The following AKR1E2 variants were observed in gnomAD, a reference collection of about 807,000 sequenced individuals.
AKR1E2 encodes the protein 1,5-anhydro-D-fructose reductase.
Under a neutral mutation model 41.9 loss-of-function variants are expected in AKR1E2, and 43 were observed. The observed-to-expected ratio is 1.03, with a 90% confidence interval of 0.80 to 1.32. The LOEUF (loss-of-function observed/expected upper bound fraction) is 1.32. AKR1E2 is among the 40% of genes most tolerant of loss of function. The pLI is 0.00. For synonymous variants in AKR1E2, 121 were observed against 138.9 expected, an observed-to-expected ratio of 0.87 and a Z score of 0.91; for missense variants, 423 against 396.5, an observed-to-expected ratio of 1.07 and a Z score of -0.57.
At chr10:4,853,653 G>A in the AKR1E2 span, among the ~76,000 whole-genome samples, 1 of 152,114 alleles carries the variant, frequency 6.6e-6, no homozygotes, top group Non-Finnish European at 1.5e-5. Context: ...CTGGAAACAT[G>A]GAACAACTGA....
At chr10:4,873,100 A>G in the AKR1E2 span, among the ~76,000 whole-genome samples, 1 of 152,078 alleles carries the variant, frequency 6.6e-6, no homozygotes, top group Non-Finnish European at 1.5e-5. Context: ...CGTCGGAGGA[A>G]CCCAGTGGGA....
At chr10:4,854,632 C>A in the AKR1E2 span, among the ~76,000 whole-genome samples, 1 of 152,110 alleles carries the variant, frequency 6.6e-6, no homozygotes, top group Non-Finnish European at 1.5e-5. Flanking sequence ...CACAAAAGGG[C>A]TGATACTGAG....
the AKR1E2 span, among the ~76,000 whole-genome samples, chr10:4,857,536 A>G: frequency 6.6e-6 from 1 of 152,132 alleles, no homozygotes; most frequent in Non-Finnish European, 1.5e-5. Flanking sequence ...CATGCTTTCT[A>G]TACAGCCTGT....
In AKR1E2 at chr10:4,826,308, G is replaced by T; in HGVS notation, c.-17G>T. 1 of 1,232,938 alleles carries T rather than the reference G, an allele frequency of 8.1e-7. No individual in the cohort carries two copies. The allele number at this position is 1,232,938 out of a possible 1,614,324, so 76.4% of individuals were successfully genotyped here. On this transcript the variant is annotated 5_prime_UTR_variant, in exon 1 of 10. Coordinates refer to ENST00000298375, the MANE Select transcript of AKR1E2 (RefSeq NM_001040177.3). ...CGCGTGCGGGGCGGCGGGGCGGCGG[G>T]GCGGCCGGCGGCGGCCATGGGAGAT...
intron 3 of AKR1E2, 97 bp from the exon 4 acceptor site, chr10:4,835,578 T>A (rs1485254412): frequency 1.4e-6 from 2 of 1,456,596 alleles, no homozygotes; most frequent in Non-Finnish European, 1.8e-6. Flanking sequence ...GGTTGCTTAG[T>A]GACAGGGCTG....
chr10:4,856,990 A>G, the AKR1E2 span, among the ~76,000 whole-genome samples: 3 of 152,132 alleles, frequency 2.0e-5, no homozygotes, highest in South Asian at 6.2e-4. Flanking sequence ...TTATTAAACA[A>G]TAACTCCCCA....
At chr10:4,832,056 T>C (rs1833012664) in intron 2 of AKR1E2, among the ~76,000 whole-genome samples, 1 of 152,082 alleles carries the variant, frequency 6.6e-6, no homozygotes, top group African/African-American at 2.4e-5. Context: ...CTGTGGAAGA[T>C]GCAGAGTGGA....
intron 5 of AKR1E2, among the ~76,000 whole-genome samples, chr10:4,839,135 G>A (rs943573031): frequency 1.2e-4 from 18 of 152,226 alleles, no homozygotes; most frequent in Admixed American, 6.5e-5. Flanking sequence ...CAGAGATCCT[G>A]CTCTCTAGCT....
rs1397106465 is a variant in AKR1E2 at position 4,847,357 on chromosome 10, T to G, written c.920+127T>G. ...CTTTCTCATTATAATTCTTTCCTGTTTGAAGATGAGCCACTGAATGAAGCT... is the reference window on the plus strand; with the variant it reads ...CTTTCTCATTATAATTCTTTCCTGTGTGAAGATGAGCCACTGAATGAAGCT... On this transcript the variant is annotated intron_variant, in intron 9 of 9. Coordinates refer to ENST00000298375, the MANE Select transcript of AKR1E2 (RefSeq NM_001040177.3). 1.9e-6 allele frequency: 3 copies of G among 1,545,652 alleles called. No individual in the cohort carries two copies. In the African/African-American group the frequency reaches 4.2e-5, roughly 21 times the overall value.
In AKR1E2 at chr10:4,835,629, TTTG is replaced by T. The variant is rs201924610; in HGVS notation, c.325-43_325-41del. ...TCTCCTGACACATGGTTTTTTTTGT[TTTG>T]TTTTGTTTTGTTTTCACACATCTCA... On this transcript the variant is annotated intron_variant, in intron 3 of 9. Transcript: ENST00000298375. 2.1e-5 allele frequency: 34 copies of T among 1,596,770 alleles called. No homozygotes were observed. In the Middle Eastern group the frequency reaches 5.0e-4, roughly 23 times the overall value.
Position 4,833,367 on chromosome 10 carries a change from T to A in AKR1E2, c.225T>A (p.His75Gln). The A allele has an allele frequency of 6.2e-7, 1 of 1,614,202 alleles. No homozygotes were observed. The highest frequency in any genetic ancestry group is 2.2e-5 in the East Asian group (1 of 44,880). The change falls in exon 3 of 10, where the codon CAT becomes CAA. Residue 75 changes from histidine to glutamine, a missense_variant. His to Gln is a conservative substitution (Grantham distance 24, BLOSUM62 0). Transcript: ENST00000298375. ...FIATKLWCTC[H>Q]KKSLVETACR... ...CTTTGTAGCTGTGGTGCACCTGCCATAAGAAGTCCTTGGTGGAAACAGCAT... is the reference window on the plus strand; with the variant it reads ...CTTTGTAGCTGTGGTGCACCTGCCAAAAGAAGTCCTTGGTGGAAACAGCAT...
the AKR1E2 span, among the ~76,000 whole-genome samples, chr10:4,857,016 A>G: frequency 6.1e-4 from 92 of 151,792 alleles, no homozygotes; most frequent in Non-Finnish European, 1.2e-3. Flanking sequence ...TCCTCCTCCA[A>G]CCCCTGGCAA....
chr10:4,853,353 C>T, the AKR1E2 span, among the ~76,000 whole-genome samples: 212 of 150,412 alleles, frequency 1.4e-3, no homozygotes, highest in African/African-American at 4.7e-3. Context: ...AGAGCTTTTT[C>T]AGATAATTGT....
At chr10:4,868,885 A>G in the AKR1E2 span, among the ~76,000 whole-genome samples, 1 of 152,130 alleles carries the variant, frequency 6.6e-6, no homozygotes, top group Non-Finnish European at 1.5e-5. Flanking sequence ...GATATAAGCT[A>G]TACTTGGTTT....
the AKR1E2 span, among the ~76,000 whole-genome samples, chr10:4,870,324 A>C: frequency 6.6e-6 from 1 of 152,100 alleles, no homozygotes; most frequent in Non-Finnish European, 1.5e-5. Context: ...CATCATTTAG[A>C]AAACTCAAGA....
chr10:4,845,836 C>T lies in AKR1E2; in HGVS notation c.838-1312C>T, dbSNP rs202045971. On this transcript the variant is annotated intron_variant, in intron 8 of 9. Transcript: ENST00000298375. ...AGGCAGTGAGACAGGACCAGGCTGA[C>T]GTGAGACCTGAGGGCCAAAGCCGAA... 306 of 470,878 alleles carry T rather than the reference C, an allele frequency of 6.5e-4. 1 individual carries two copies. Among genetic ancestry groups the T allele is most frequent in the Non-Finnish European group, 8.9e-4 (201 of 227,060 alleles). 29.2% of individuals were successfully genotyped at this position (470,878 alleles called of 1,614,324 possible).
At chr10:4,855,294 G>A in the AKR1E2 span, among the ~76,000 whole-genome samples, 39,255 of 152,026 alleles carry the variant, frequency 0.26, 5,254 homozygotes, top group Middle Eastern at 0.37. Context: ...CATAAGTTGG[G>A]GCAAATCTGA....
Position 4,828,182 on chromosome 10 carries a change from C to A in AKR1E2, c.39+1819C>A, listed in dbSNP as rs1588429613. Among the ~76,000 whole-genome samples the A allele has an allele frequency of 3.9e-5, 6 of 152,206 alleles. No individual in the cohort carries two copies. The South Asian group carries it at 1.2e-3, about 32-fold the overall frequency. Reference sequence around the variant, plus strand: ...AGTGTATTCCTCCCACACGGGAGGTCAGGAGAGCAGCTCTGTGGACCTTGG... The same window carrying A: ...AGTGTATTCCTCCCACACGGGAGGTAAGGAGAGCAGCTCTGTGGACCTTGG... On this transcript the variant is annotated intron_variant, in intron 1 of 9. Transcript: ENST00000298375.
At chr10:4,832,607 A>T (rs12571967) in intron 2 of AKR1E2, among the ~76,000 whole-genome samples, 84 of 152,344 alleles carry the variant, frequency 5.5e-4, no homozygotes, top group African/African-American at 1.9e-3. Context: ...CACACATATA[A>T]GCACCACATG....
Sources: allele counts gnomAD v4.1 joint callset (sites outside exome capture counted in the v4.1 genomes callset), GRCh38; gene constraint gnomAD v4.1.1; transcripts MANE v1.5; gene names NCBI Gene and HGNC (gene_info 2026-07-23, HGNC 2026-07-21).